PDE1A: variants seen among roughly 807,000 people sequenced by gnomAD.
The protein encoded by PDE1A is phosphodiesterase 1A.
In PDE1A, 35 loss-of-function variants were observed where a neutral mutation model predicts 61.7. The observed-to-expected ratio is 0.57, with a 90% CI of 0.43 to 0.75. PDE1A has a LOEUF of 0.75. Among genes scored for constraint, PDE1A ranks in the 30% least tolerant of loss-of-function variants. The pLI is 0.00. For synonymous variants in PDE1A, 232 were observed against 213.2 expected (o/e 1.09, Z -0.77); for missense variants, 597 against 630.6 (o/e 0.95, Z 0.57).
At chr2:182,605,422 G>A in the PDE1A span, among the ~76,000 whole-genome samples, 11 of 151,896 alleles carry the variant, frequency 7.2e-5, no homozygotes, top group African/African-American at 2.7e-4. Flanking sequence ...GGTTTTAAAA[G>A]CTAAAGCATG....
chr2:182,714,970 A>G, the PDE1A span, among the ~76,000 whole-genome samples: 1 of 152,012 alleles, frequency 6.6e-6, no homozygotes, highest in Admixed American at 6.6e-5. Flanking sequence ...CTAAAATACA[A>G]TCTCAGTCTC....
At chr2:182,227,352 T>C (rs1448761077) in intron 6 of PDE1A, among the ~76,000 whole-genome samples, 1 of 152,050 alleles carries the variant, frequency 6.6e-6, no homozygotes, top group South Asian at 2.1e-4. Flanking sequence ...ACAAAGTATG[T>C]ATGTGTATTA....
At chr2:182,504,214 T>C (rs753345670) in intron 2 of PDE1A, among the ~76,000 whole-genome samples, 6 of 152,224 alleles carry the variant, frequency 3.9e-5, no homozygotes, top group Non-Finnish European at 8.8e-5. Context: ...CATTCTTTGC[T>C]TTTACTGTGA....
the PDE1A span, among the ~76,000 whole-genome samples, chr2:182,583,424 C>A: frequency 1.3e-5 from 2 of 152,118 alleles, no homozygotes; most frequent in Non-Finnish European, 2.9e-5. Flanking sequence ...GAGCAAAATG[C>A]CTTTCTCAAG....
chr2:182,313,328 C>T (rs6728245), intron 1 of PDE1A, among the ~76,000 whole-genome samples: 36,147 of 151,992 alleles, frequency 0.24, 4,651 homozygotes, highest in East Asian at 0.48. Flanking sequence ...GCAGGAGAAT[C>T]GCTTGAACCC....
chr2:182,499,237 C>G (rs1185229192), intron 2 of PDE1A, among the ~76,000 whole-genome samples: 1 of 130,230 alleles, frequency 7.7e-6, no homozygotes, highest in African/African-American at 3.0e-5. Flanking sequence ...AGTGCAGTGG[C>G]GCGATCTCGG....
intron 1 of PDE1A, among the ~76,000 whole-genome samples, chr2:182,291,807 A>G (rs1842640): frequency 0.016 from 2,415 of 152,228 alleles, 40 homozygotes; most frequent in African/African-American, 0.032. Context: ...ATTTTGGAGA[A>G]AACTATTTGC....
At chr2:182,194,244 C>T (rs1433598444) in intron 10 of PDE1A, among the ~76,000 whole-genome samples, 1 of 152,086 alleles carries the variant, frequency 6.6e-6, no homozygotes, top group Admixed American at 6.6e-5. Context: ...AATACAAACA[C>T]ATTTTGATGG....
chr2:182,677,578 C>T, the PDE1A span, among the ~76,000 whole-genome samples: 4 of 152,236 alleles, frequency 2.6e-5, no homozygotes, highest in Admixed American at 1.3e-4. Context: ...AAAAAAGAAC[C>T]GGAATACCCA....
At chr2:182,399,294 G>C (rs544538052) in intron 1 of PDE1A, among the ~76,000 whole-genome samples, 2 of 151,822 alleles carry the variant, frequency 1.3e-5, no homozygotes, top group Non-Finnish European at 2.9e-5. Flanking sequence ...CACATGCATA[G>C]ATTAATGTGT....
At chr2:182,533,509 T>G in the PDE1A span, among the ~76,000 whole-genome samples, 1 of 151,938 alleles carries the variant, frequency 6.6e-6, no homozygotes, top group Non-Finnish European at 1.5e-5. Flanking sequence ...GGAGGGAAGT[T>G]TATGATTACT....
rs553928776 is a variant in PDE1A at position 182,156,538 on chromosome 2, A to G, written c.1517-9386T>C. Among the ~76,000 whole-genome samples the G allele has an allele frequency of 2.0e-5, 3 of 152,302 alleles. No homozygotes were observed. The South Asian group carries it at 6.2e-4, about 32-fold the overall frequency. On this transcript the variant is annotated intron_variant, in intron 13 of 13. Transcript: ENST00000409365. ...ATTCCTAGTCATCTGGAAAAGCACA[A>G]CAGTGAAGTTTCCAGTTGGGAAATG...
intron 1 of PDE1A, among the ~76,000 whole-genome samples, chr2:182,330,723 C>T (rs1462662262): frequency 6.6e-6 from 1 of 152,174 alleles, no homozygotes; most frequent in Admixed American, 6.5e-5. Flanking sequence ...CATTGCCAAA[C>T]ATAGTCATCT....
chr2:182,263,304 ATTTGTG>A (rs1404046887), intron 2 of PDE1A, among the ~76,000 whole-genome samples: 1 of 152,088 alleles, frequency 6.6e-6, no homozygotes, highest in Non-Finnish European at 1.5e-5. Flanking sequence ...CCTGGGGACC[ATTTGTG>A]GGTCCTTCAG....
intron 2 of PDE1A, among the ~76,000 whole-genome samples, chr2:182,246,420 T>TGACAAAGTC (rs1574136721): frequency 1.5e-5 from 2 of 129,584 alleles, no homozygotes; most frequent in Admixed American, 8.3e-5. Flanking sequence ...TTTTTTTTTT[T>TGACAAAGTC]TTTGACAGAG....
chr2:182,630,953 A>T, the PDE1A span, among the ~76,000 whole-genome samples: 7 of 152,162 alleles, frequency 4.6e-5, no homozygotes, highest in Admixed American at 2.0e-4. Flanking sequence ...ATGGTTCTCC[A>T]GAAAACAGAA....
chr2:182,536,015 AG>A, the PDE1A span, among the ~76,000 whole-genome samples: 7 of 152,290 alleles, frequency 4.6e-5, no homozygotes, highest in African/African-American at 1.7e-4. Context: ...AATAGCGAGT[AG>A]GGTCACTGTA....
At chr2:182,244,743 T>C (rs1690824211) in intron 2 of PDE1A, among the ~76,000 whole-genome samples, 1 of 152,136 alleles carries the variant, frequency 6.6e-6, no homozygotes, top group African/African-American at 2.4e-5. Context: ...CATGTTGGTT[T>C]CTTTTTGAAA....
the PDE1A span, among the ~76,000 whole-genome samples, chr2:182,665,463 A>C: frequency 1.3e-5 from 2 of 152,348 alleles, no homozygotes; most frequent in East Asian, 3.9e-4. Context: ...CCATATGAAA[A>C]AAAATTTGAC....
Sources: allele counts gnomAD v4.1 joint callset (sites outside exome capture counted in the v4.1 genomes callset), GRCh38; gene constraint gnomAD v4.1.1; transcripts MANE v1.5; gene names NCBI Gene and HGNC (gene_info 2026-07-23, HGNC 2026-07-21).